The following MYLK variants were observed in gnomAD, a reference collection of about 807,000 sequenced individuals.
MYLK encodes myosin light chain kinase, also known as myosin light chain kinase, smooth muscle.
Under a neutral mutation model 203.4 loss-of-function variants are expected in MYLK, and 106 were observed. That is an observed-to-expected ratio of 0.52 (90% confidence interval 0.45 to 0.61). MYLK has a LOEUF of 0.61. Among genes scored for constraint, MYLK ranks in the 20% least tolerant of loss-of-function variants. The pLI, the probability that MYLK is intolerant of heterozygous loss-of-function variation, is 0.00. For missense variants in MYLK, 2,072 were observed against 2,442.3 expected (o/e 0.85, Z 3.20); for synonymous variants, 867 against 959.5 (o/e 0.90, Z 1.78).
Position 123,770,192 on chromosome 3 carries a change from C to T in MYLK, c.166-17654G>A, listed in dbSNP as rs574330547. Reference sequence around the variant, plus strand: ...AAAAAAAATTAGCTGGGCGTGGTGGCGGGCACCTGTAATCCCAGATACTTG... The same window carrying T: ...AAAAAAAATTAGCTGGGCGTGGTGGTGGGCACCTGTAATCCCAGATACTTG... On this transcript the variant is annotated intron_variant, in intron 4 of 33. Transcript: ENST00000360304. Among the ~76,000 whole-genome samples, 227 of 150,820 alleles carry T rather than the reference C, an allele frequency of 1.5e-3. 2 individuals are homozygous for T. In the Middle Eastern group the frequency reaches 0.021, roughly 14 times the overall value.
intron 29 of MYLK, among the ~76,000 whole-genome samples, chr3:123,632,274 A>T (rs528517249): frequency 5.8e-4 from 88 of 152,092 alleles, no homozygotes; most frequent in Non-Finnish European, 1.1e-3. Context: ...GGCCCATGCA[A>T]GCCCCATCAG....
At chr3:123,709,963 C>A in intron 13 of MYLK, 70 bp from the exon 14 acceptor site, 1 of 1,587,538 alleles carries the variant, frequency 6.3e-7, no homozygotes, top group South Asian at 1.1e-5. Flanking sequence ...ACTAAATGAC[C>A]ACTTGGTACA....
rs115869339 is a variant in MYLK at position 123,620,495 on chromosome 3, A to G, written c.5239-159T>C. ...AGGTTCTGCCAGAGGAGCGAACCCA[A>G]CCTTGCTCTGCTCAGCACTGTCAGT... On this transcript the variant is annotated intron_variant, in intron 31 of 33. Transcript: ENST00000360304. The G allele has an allele frequency of 8.8e-4, 1,359 of 1,535,996 alleles. 9 individuals carry two copies. In the African/African-American group the frequency reaches 0.017, roughly 19 times the overall value.
At chr3:123,771,495 C>G (rs1225615920) in intron 4 of MYLK, among the ~76,000 whole-genome samples, 1 of 152,102 alleles carries the variant, frequency 6.6e-6, no homozygotes, top group African/African-American at 2.4e-5. Flanking sequence ...ACAATCATTT[C>G]TCCTTTTATA....
rs1489416998 is a variant in MYLK, at chr3:123,612,605, T to C, written c.*1500A>G. Reference sequence around the variant, plus strand: ...GCTATCATGAAAAATATTGTAACTATTTTAAAAGCAAAAGGAAAAATACTG... The same window carrying C: ...GCTATCATGAAAAATATTGTAACTACTTTAAAAGCAAAAGGAAAAATACTG... On this transcript the variant is annotated 3_prime_UTR_variant, in exon 34 of 34. Coordinates refer to ENST00000360304, the MANE Select transcript of MYLK (RefSeq NM_053025.4). 3 of 152,618 alleles carry C rather than the reference T, an allele frequency of 2.0e-5. No homozygotes were observed. Among genetic ancestry groups the C allele is most frequent in the Non-Finnish European group, 4.4e-5 (3 of 68,034 alleles). 9.5% of individuals were successfully genotyped at this position (152,618 alleles called of 1,614,324 possible).
rs182640394 is a variant in MYLK, at chr3:123,641,318, C to T, written c.4620-814G>A. ...CTGAGTTGCATGAGTCCTCTCTGTT[C>T]CCCTGTCCTAGCCCTCTGACCCACC... On this transcript the variant is annotated intron_variant, in intron 27 of 33. Coordinates refer to ENST00000360304, the MANE Select transcript of MYLK (RefSeq NM_053025.4). 5.4e-4 allele frequency among the ~76,000 whole-genome samples: 83 copies of T among 152,324 alleles called. 1 individual carries two copies. Among genetic ancestry groups the T allele is most frequent in the Non-Finnish European group, 1.1e-3 (73 of 68,034 alleles).
chr3:123,814,205 C>G (rs1322950479), intron 3 of MYLK: 1 of 261,026 alleles, frequency 3.8e-6, no homozygotes, highest in Non-Finnish European at 7.7e-6. Context: ...GTTACAGATA[C>G]CAAGCCTCTA....
chr3:123,672,143 C>T (rs955199070), intron 20 of MYLK, among the ~76,000 whole-genome samples: 1 of 150,692 alleles, frequency 6.6e-6, no homozygotes, highest in African/African-American at 2.4e-5. Context: ...TTAGGGTGGG[C>T]CATAGTCCAA....
intron 4 of MYLK, among the ~76,000 whole-genome samples, chr3:123,791,730 A>G (rs1248822559): frequency 6.6e-6 from 1 of 152,262 alleles, no homozygotes; most frequent in African/African-American, 2.4e-5. Context: ...TATTTCATCC[A>G]TATAAGAAAA....
At chr3:123,625,516 T>C (rs999574395) in intron 31 of MYLK, among the ~76,000 whole-genome samples, 3 of 150,450 alleles carry the variant, frequency 2.0e-5, no homozygotes, top group African/African-American at 4.9e-5. Context: ...AGCCTAAGAA[T>C]TGTAATTCTA....
In MYLK at chr3:123,648,220, G is replaced by A. The variant is rs1027651190; in HGVS notation, c.4415+751C>T. 6.6e-6 allele frequency among the ~76,000 whole-genome samples: 1 copy of A among 152,182 alleles called. No individual in the cohort carries two copies. The highest frequency in any genetic ancestry group is 2.4e-5 in the African/African-American group (1 of 41,436). On this transcript the variant is annotated intron_variant, in intron 26 of 33. Coordinates refer to ENST00000360304, the MANE Select transcript of MYLK (RefSeq NM_053025.4). This position sits in a 1 kb window ranked among gnomAD's most constrained non-coding sequence, Gnocchi z 4.5. ...TCTATTCCTCCAGGGACAGCGTAAG[G>A]GCAGATGAACAGCTTGGCTCAGGGT...
intron 2 of MYLK, among the ~76,000 whole-genome samples, chr3:123,863,845 T>G (rs1358723668): frequency 2.0e-5 from 3 of 152,202 alleles, no homozygotes; most frequent in African/African-American, 7.2e-5. Context: ...ATTCCACTCC[T>G]AGATATTTAC....
intron 2 of MYLK, chr3:123,835,851 G>T (rs1365448841): frequency 6.6e-6 from 1 of 152,104 alleles, no homozygotes; most frequent in African/African-American, 2.4e-5. Context: ...TGGCCATAAA[G>T]AAATTATCTG....
chr3:123,796,321 G>C (rs1288346205), intron 3 of MYLK, among the ~76,000 whole-genome samples: 1 of 152,176 alleles, frequency 6.6e-6, no homozygotes, highest in Non-Finnish European at 1.5e-5. Flanking sequence ...CATGCATTTA[G>C]TAGGGGGCAG....
At chr3:123,875,599 G>A (rs1185008166) in intron 2 of MYLK, among the ~76,000 whole-genome samples, 5 of 152,130 alleles carry the variant, frequency 3.3e-5, no homozygotes, top group African/African-American at 4.8e-5. Flanking sequence ...TCATAATTAT[G>A]TATTAATTGT....
chr3:123,701,398 G>T (rs1196261159), intron 17 of MYLK, 40 bp downstream of exon 17: 1 of 1,600,474 alleles, frequency 6.2e-7, no homozygotes, highest in Non-Finnish European at 8.6e-7. Context: ...AGGTGGGGAT[G>T]GGGGCATGGC....
At chr3:123,728,609 C>T (rs1004564678) in intron 11 of MYLK, among the ~76,000 whole-genome samples, 1 of 151,340 alleles carries the variant, frequency 6.6e-6, no homozygotes, top group African/African-American at 2.5e-5. Flanking sequence ...ACAACAACAA[C>T]AATAAAACAT....
chr3:123,705,710 C>T (rs957732696), intron 16 of MYLK, among the ~76,000 whole-genome samples: 2 of 152,154 alleles, frequency 1.3e-5, no homozygotes, highest in Non-Finnish European at 2.9e-5. Context: ...AAACTTCCCA[C>T]AGCCCTTTGC....
At chr3:123,860,852 C>T (rs975873526) in intron 2 of MYLK, among the ~76,000 whole-genome samples, 7 of 152,120 alleles carry the variant, frequency 4.6e-5, no homozygotes, top group Non-Finnish European at 8.8e-5. Context: ...AGACACAGGC[C>T]GGGCACAGTG....
Sources: allele counts gnomAD v4.1 joint callset (sites outside exome capture counted in the v4.1 genomes callset), GRCh38; gene constraint gnomAD v4.1.1; non-coding constraint Gnocchi (gnomAD v3.1); transcripts MANE v1.5; gene names NCBI Gene and HGNC (gene_info 2026-07-23, HGNC 2026-07-21).